Variants in STX18 observed in about 807,000 individuals in gnomAD.
The protein encoded by STX18 is syntaxin 18.
Under a neutral mutation model 50.1 loss-of-function variants are expected in STX18, and 40 were observed. That is an observed-to-expected ratio of 0.80 (90% CI 0.62 to 1.04). The LOEUF is 1.04. Among genes scored for constraint, STX18 ranks in the 50% least tolerant of loss-of-function variants. The pLI is 0.00. For missense variants in STX18, 410 were observed against 415.8 expected (o/e 0.99, Z 0.12); for synonymous variants, 158 against 151.8 (o/e 1.04, Z -0.30).
At chr4:4,469,062 C>T (rs942385795) in intron 2 of STX18, among the ~76,000 whole-genome samples, 1 of 152,106 alleles carries the variant, frequency 6.6e-6, no homozygotes, top group Non-Finnish European at 1.5e-5. Context: ...TATTTATATT[C>T]CCCTTGAGGA....
chr4:4,538,707 G>A (rs1467261282), intron 1 of STX18, among the ~76,000 whole-genome samples: 5 of 152,008 alleles, frequency 3.3e-5, no homozygotes, highest in Admixed American at 3.3e-4. Flanking sequence ...CCACTTTATA[G>A]AAATGGAAAA....
chr4:4,468,362 C>T (rs938618728), intron 2 of STX18, among the ~76,000 whole-genome samples: 15 of 152,108 alleles, frequency 9.9e-5, no homozygotes, highest in African/African-American at 2.9e-4. Flanking sequence ...AGACTGAGCA[C>T]GGAGACCTAA....
intron 1 of STX18, chr4:4,507,581 C>T (rs1172112951): frequency 2.4e-5 from 18 of 763,118 alleles, no homozygotes; most frequent in East Asian, 7.3e-5. Flanking sequence ...CTGTGCACGA[C>T]GCAAGCCTTG....
At chr4:4,480,209 C>T (rs6812388) in intron 1 of STX18, among the ~76,000 whole-genome samples, 7,214 of 152,248 alleles carry the variant, frequency 0.047, 566 homozygotes, top group African/African-American at 0.16. Flanking sequence ...ACAGTTACTA[C>T]GTAAAATCCT....
intron 1 of STX18, among the ~76,000 whole-genome samples, chr4:4,490,681 A>C (rs775445057): frequency 6.6e-6 from 1 of 152,176 alleles, no homozygotes; most frequent in Admixed American, 6.5e-5. Flanking sequence ...ACAATCACTA[A>C]GGAAGCTCTT....
intron 2 of STX18, chr4:4,462,054 A>C (rs1577344616): frequency 1.8e-5 from 8 of 441,180 alleles, no homozygotes; most frequent in South Asian, 1.6e-5. Context: ...CAACAAGGCC[A>C]CCCGCCTGCA....
At chr4:4,423,496 TC>T in intron 9 of STX18, 21 bp downstream of exon 9, 1 of 1,611,728 alleles carries the variant, frequency 6.2e-7, no homozygotes. Flanking sequence ...AACATACAGC[TC>T]CTTTGTTTTT....
intron 1 of STX18, among the ~76,000 whole-genome samples, chr4:4,486,440 A>C (rs145497113): frequency 5.7e-4 from 87 of 152,370 alleles, no homozygotes; most frequent in African/African-American, 2.0e-3. Flanking sequence ...ATGTGGATAC[A>C]TTATAAATGT....
chr4:4,542,084 A>G (rs111383101), upstream of STX18: 33 of 1,244,486 alleles, frequency 2.7e-5, no homozygotes, highest in African/African-American at 3.0e-4. Flanking sequence ...GGCAACGGCG[A>G]CGCGAGAAGA....
intron 6 of STX18, among the ~76,000 whole-genome samples, chr4:4,436,245 AG>A: frequency 6.6e-6 from 1 of 152,390 alleles, no homozygotes; most frequent in South Asian, 2.1e-4. Context: ...TCCACAACTT[AG>A]TGCATGCAGG....
intron 3 of STX18, 72 bp from the exon 4 acceptor site, chr4:4,457,572 A>C: frequency 1.8e-6 from 2 of 1,139,094 alleles, no homozygotes; most frequent in Non-Finnish European, 2.6e-6. Context: ...CAGCTTCCTC[A>C]CAACACTTTC....
chr4:4,442,829 C>T (rs1288983450), intron 5 of STX18, among the ~76,000 whole-genome samples: 1 of 144,796 alleles, frequency 6.9e-6, no homozygotes, highest in African/African-American at 2.5e-5. Flanking sequence ...AAAGCCCCAC[C>T]ATAGGTAAAG....
At chr4:4,443,555 G>T (rs906825097) in intron 5 of STX18, among the ~76,000 whole-genome samples, 2 of 152,172 alleles carry the variant, frequency 1.3e-5, no homozygotes, top group African/African-American at 2.4e-5. Flanking sequence ...ATTTTATGAG[G>T]CCAGTATTAC....
chr4:4,493,081 T>C (rs753114241), intron 1 of STX18, among the ~76,000 whole-genome samples: 41 of 152,202 alleles, frequency 2.7e-4, no homozygotes, highest in Non-Finnish European at 1.0e-4. Context: ...CAATATTAAA[T>C]ATCCATAAAG....
At chr4:4,493,447 G>A (rs989211981) in intron 1 of STX18, among the ~76,000 whole-genome samples, 1 of 152,192 alleles carries the variant, frequency 6.6e-6, no homozygotes, top group Non-Finnish European at 1.5e-5. Flanking sequence ...AGTTTCCACT[G>A]TATTTAATTG....
chr4:4,514,280 A>G (rs1444407673), intron 1 of STX18, among the ~76,000 whole-genome samples: 4 of 152,364 alleles, frequency 2.6e-5, no homozygotes, highest in African/African-American at 9.6e-5. Flanking sequence ...AAAAATTGCC[A>G]TAAGTAAAGC....
chr4:4,441,364 A>T (rs573870750), intron 5 of STX18, among the ~76,000 whole-genome samples: 2 of 152,360 alleles, frequency 1.3e-5, no homozygotes, highest in Non-Finnish European at 2.9e-5. Context: ...TATTCTAAGT[A>T]TCACAAATAT....
At chr4:4,508,154 T>C (rs936502207) in intron 1 of STX18, among the ~76,000 whole-genome samples, 3 of 152,258 alleles carry the variant, frequency 2.0e-5, no homozygotes, top group African/African-American at 7.2e-5. Flanking sequence ...AGTGCCCGTG[T>C]GAAAAGCACC....
intron 1 of STX18, among the ~76,000 whole-genome samples, chr4:4,520,140 C>T (rs555819149): frequency 7.9e-5 from 12 of 152,182 alleles, no homozygotes; most frequent in Non-Finnish European, 8.8e-5. Context: ...CTAGTACAAA[C>T]CTTAACAGAT....
Sources: allele counts gnomAD v4.1 joint callset (sites outside exome capture counted in the v4.1 genomes callset), GRCh38; gene constraint gnomAD v4.1.1; transcripts MANE v1.5; gene names NCBI Gene and HGNC (gene_info 2026-07-23, HGNC 2026-07-21).